The following ADAMTSL1 variants were observed in gnomAD, a reference collection of about 807,000 sequenced individuals.
ADAMTSL1 encodes ADAMTS-like protein 1.
Under a neutral mutation model 201.8 loss-of-function variants are expected in ADAMTSL1, and 126 were observed. That is an observed-to-expected ratio of 0.62 (90% CI 0.54 to 0.72). The LOEUF (loss-of-function observed/expected upper bound fraction) is 0.72. ADAMTSL1 is among the 30% of genes least tolerant of loss of function. ADAMTSL1 has a pLI of 0.00. For missense variants in ADAMTSL1, 2,679 were observed against 2,277.8 expected (o/e 1.18, Z -3.59); for synonymous variants, 1,121 against 903.4 (o/e 1.24, Z -4.32).
At chr9:18,103,183 C>A (rs1258558800) in intron 1 of ADAMTSL1, among the ~76,000 whole-genome samples, 1 of 152,004 alleles carries the variant, frequency 6.6e-6, no homozygotes, top group African/African-American at 2.4e-5. Context: ...AATTAGATTG[C>A]AGAATGTTAG....
chr9:18,037,200 A>C (rs1821236910), intron 1 of ADAMTSL1, among the ~76,000 whole-genome samples: 1 of 152,212 alleles, frequency 6.6e-6, no homozygotes, highest in Admixed American at 6.5e-5. Flanking sequence ...TGGGAAAATC[A>C]TGTTGCTAAG....
At chr9:18,072,077 T>G (rs895223998) in intron 1 of ADAMTSL1, among the ~76,000 whole-genome samples, 1 of 152,194 alleles carries the variant, frequency 6.6e-6, no homozygotes, top group Non-Finnish European at 1.5e-5. Flanking sequence ...ATGTCCAAGC[T>G]TGCATTTTCC....
intron 2 of ADAMTSL1, among the ~76,000 whole-genome samples, chr9:18,427,582 T>C (rs765696121): frequency 1.1e-4 from 16 of 152,356 alleles, no homozygotes; most frequent in Middle Eastern, 3.4e-3. Flanking sequence ...CTGCTTCTTT[T>C]AGTGCAATTC....
intron 23 of ADAMTSL1, among the ~76,000 whole-genome samples, chr9:18,868,286 G>A (rs148694037): frequency 4.7e-4 from 71 of 151,880 alleles, no homozygotes; most frequent in South Asian, 3.3e-3. Context: ...CATCCTTGTC[G>A]TTTCTGGATT....
Position 18,775,892 on chromosome 9 carries a change from T to C in ADAMTSL1, c.2547T>C (p.Cys849=). The C allele has an allele frequency of 1.9e-6, 3 of 1,591,858 alleles. No individual in the cohort carries two copies. The highest frequency in any genetic ancestry group is 2.6e-6 in the Non-Finnish European group (3 of 1,168,244). Residue 849 remains cysteine (C), a synonymous_variant, in exon 18 of 29, where the codon TGT becomes TGC. Transcript: ENST00000380548. ...TCAGGCCCTGTATGCTGGCAACCTG[T>C]GCAAGTAAGTATGTCAGGGCTCTGG... ...SSIRPCMLAT[C]ARPGRPSTKH... is the part of the protein sequence containing the mutation.
chr9:18,707,159 G>T, intron 14 of ADAMTSL1, 111 bp downstream of exon 14: 1 of 1,327,536 alleles, frequency 7.5e-7, no homozygotes, highest in Non-Finnish European at 1.0e-6. Flanking sequence ...TAAGCAGGAG[G>T]AGGAGGGGAG....
At chr9:17,920,358 T>C (rs1284730144) in intron 1 of ADAMTSL1, among the ~76,000 whole-genome samples, 4 of 152,218 alleles carry the variant, frequency 2.6e-5, no homozygotes, top group African/African-American at 4.8e-5. Context: ...AGACTTCGCT[T>C]CTTTTATTCT....
chr9:18,119,604 T>C (rs925624653), intron 1 of ADAMTSL1, among the ~76,000 whole-genome samples: 1 of 152,072 alleles, frequency 6.6e-6, no homozygotes, highest in African/African-American at 2.4e-5. Flanking sequence ...TAATATGAGG[T>C]TGCTTTCCTT....
At chr9:18,169,225 C>T (rs1827779489) in intron 2 of ADAMTSL1, among the ~76,000 whole-genome samples, 3 of 151,820 alleles carry the variant, frequency 2.0e-5, no homozygotes, top group East Asian at 1.9e-4. Context: ...AATGGTGTTG[C>T]CTAGGTTTTC....
chr9:18,257,262 C>T (rs1035496214), intron 2 of ADAMTSL1, among the ~76,000 whole-genome samples: 1 of 152,030 alleles, frequency 6.6e-6, no homozygotes, highest in African/African-American at 2.4e-5. Context: ...TCTAATTTAT[C>T]AAGAGTATCT....
At chr9:18,738,205 G>A (rs562097753) in intron 15 of ADAMTSL1, among the ~76,000 whole-genome samples, 1 of 152,252 alleles carries the variant, frequency 6.6e-6, no homozygotes. Flanking sequence ...GATAAGAAAG[G>A]ATTTTCTTAC....
At chr9:18,122,901 G>T (rs1019163258) in intron 1 of ADAMTSL1, among the ~76,000 whole-genome samples, 7 of 151,974 alleles carry the variant, frequency 4.6e-5, no homozygotes, top group African/African-American at 1.4e-4. Flanking sequence ...TCCACACCTG[G>T]CTAATTTTTG....
intron 1 of ADAMTSL1, among the ~76,000 whole-genome samples, chr9:18,139,095 TC>T (rs1187717051): frequency 6.6e-6 from 1 of 152,190 alleles, no homozygotes; most frequent in Non-Finnish European, 1.5e-5. Context: ...TAAGATGTCT[TC>T]CTGTAACATC....
chr9:18,544,255 T>C (rs943437579), intron 3 of ADAMTSL1, among the ~76,000 whole-genome samples: 1 of 152,184 alleles, frequency 6.6e-6, no homozygotes, highest in Non-Finnish European at 1.5e-5. Context: ...TGAGTGACAC[T>C]CTTACAAGAA....
intron 1 of ADAMTSL1, among the ~76,000 whole-genome samples, chr9:17,993,351 T>C (rs1309824765): frequency 6.6e-6 from 1 of 152,220 alleles, no homozygotes; most frequent in Admixed American, 6.5e-5. Context: ...TTTCTCTACA[T>C]ATGTTTTCTG....
intron 20 of ADAMTSL1, among the ~76,000 whole-genome samples, chr9:18,802,175 C>T (rs1822844579): frequency 6.6e-6 from 1 of 152,052 alleles, no homozygotes; most frequent in Non-Finnish European, 1.5e-5. Flanking sequence ...ACATGGGAGG[C>T]TGAGGCAGGA....
At chr9:18,650,139 C>T (rs13286662) in intron 7 of ADAMTSL1, among the ~76,000 whole-genome samples, 18,706 of 152,250 alleles carry the variant, frequency 0.12, 1,369 homozygotes, top group Non-Finnish European at 0.17. Flanking sequence ...GCAGTTTGAT[C>T]TCTGACTGCT....
At chr9:18,836,080 A>C (rs1031457538) in intron 23 of ADAMTSL1, among the ~76,000 whole-genome samples, 9 of 152,198 alleles carry the variant, frequency 5.9e-5, no homozygotes, top group African/African-American at 2.2e-4. Context: ...AGAAATATCC[A>C]AACTGCTTTC....
At chr9:18,475,223 G>A (rs1034182260) in intron 1 of ADAMTSL1, among the ~76,000 whole-genome samples, 2 of 152,146 alleles carry the variant, frequency 1.3e-5, no homozygotes, top group African/African-American at 4.8e-5. Context: ...TTTATAACAT[G>A]CCAGAACTTC....
Sources: gnomAD v4.1 joint callset for allele counts (sites outside exome capture counted in the v4.1 genomes callset) on GRCh38, gnomAD v4.1.1 for gene constraint, MANE v1.5 for transcripts, NCBI Gene and HGNC (gene_info 2026-07-23, HGNC 2026-07-21) for gene names.